The following PNPT1 variants were observed in gnomAD, a reference collection of about 807,000 sequenced individuals.
PNPT1 encodes the protein polyribonucleotide nucleotidyltransferase 1, mitochondrial.
In PNPT1, 53 loss-of-function variants were observed where a neutral mutation model predicts 119.5. The ratio of observed to expected loss-of-function variants is 0.44; its 90% CI spans 0.36 to 0.56. PNPT1 has a LOEUF of 0.56. Ranked by LOEUF, PNPT1 falls within the 20% of genes least tolerant of loss-of-function variation. The pLI, the probability that PNPT1 is intolerant of heterozygous loss-of-function variation, is 0.00. For missense variants in PNPT1, 948 were observed against 938.5 expected (o/e 1.01, Z -0.13); for synonymous variants, 357 against 322.1 (o/e 1.11, Z -1.16).
At chr2:55,669,079 A>G (rs1696826548) in intron 11 of PNPT1, among the ~76,000 whole-genome samples, 1 of 152,202 alleles carries the variant, frequency 6.6e-6, no homozygotes, top group Non-Finnish European at 1.5e-5. Context: ...TAACTTTCAT[A>G]ATAACTTATG....
intron 1 of PNPT1, among the ~76,000 whole-genome samples, chr2:55,688,661 G>T (rs1461758822): frequency 6.6e-6 from 1 of 152,014 alleles, no homozygotes; most frequent in Non-Finnish European, 1.5e-5. Context: ...GGAGGGGGAG[G>T]TTACAGTGAG....
intron 13 of PNPT1, among the ~76,000 whole-genome samples, chr2:55,664,636 G>C (rs950902689): frequency 2.6e-5 from 4 of 151,862 alleles, no homozygotes; most frequent in African/African-American, 9.7e-5. Context: ...AAAAACAGAA[G>C]GGCAAAAGAA....
intron 13 of PNPT1, among the ~76,000 whole-genome samples, chr2:55,663,930 C>T (rs997442204): frequency 3.3e-5 from 5 of 151,646 alleles, no homozygotes; most frequent in South Asian, 2.1e-4. Context: ...CGGAGCTTGC[C>T]GTGAGCCGAG....
chr2:55,693,562 T>C (rs1164016311), intron 1 of PNPT1, 101 bp downstream of exon 1: 3 of 1,504,448 alleles, frequency 2.0e-6, no homozygotes, highest in East Asian at 4.5e-5. Flanking sequence ...AGAGATTAAA[T>C]AGAGCTGGGA....
chr2:55,664,981 G>A (rs1696689976), intron 13 of PNPT1, among the ~76,000 whole-genome samples: 1 of 151,984 alleles, frequency 6.6e-6, no homozygotes, highest in South Asian at 2.1e-4. Flanking sequence ...TCAAATAAAG[G>A]AACAAATGTA....
chr2:55,683,677 TA>T, intron 5 of PNPT1, 107 bp downstream of exon 5: 1 of 954,112 alleles, frequency 1.0e-6, no homozygotes, highest in Non-Finnish European at 1.5e-6. Context: ...AACAGTATCA[TA>T]AAAAATTCTT....
chr2:55,666,925 A>G, intron 13 of PNPT1, 66 bp downstream of exon 13: 1 of 1,007,776 alleles, frequency 9.9e-7, no homozygotes, highest in South Asian at 1.7e-5. Flanking sequence ...CTACTAATGT[A>G]CTTCTATTAG....
At chr2:55,654,310 C>T (rs984443452) in intron 18 of PNPT1, among the ~76,000 whole-genome samples, 10 of 150,830 alleles carry the variant, frequency 6.6e-5, no homozygotes, top group African/African-American at 2.4e-4. Context: ...TTTGGCGTTT[C>T]AGACCTGGGG....
chr2:55,653,210 G>C (rs1394149146), intron 18 of PNPT1, among the ~76,000 whole-genome samples: 1 of 152,016 alleles, frequency 6.6e-6, no homozygotes, highest in South Asian at 2.1e-4. Flanking sequence ...TCTTGTTGAG[G>C]GTCACGATCA....
intron 12 of PNPT1, 87 bp from the exon 13 acceptor site, chr2:55,667,180 C>A: frequency 1.0e-6 from 1 of 958,386 alleles, no homozygotes; most frequent in African/African-American, 1.6e-5. Context: ...AGTTCTCAAC[C>A]TCAGTTGTGT....
chr2:55,663,548 G>A (rs1221588855), intron 13 of PNPT1, among the ~76,000 whole-genome samples: 1 of 152,164 alleles, frequency 6.6e-6, no homozygotes, highest in Non-Finnish European at 1.5e-5. Context: ...AAACTCAAAG[G>A]AAACCACACC....
chr2:55,691,646 G>A (rs1323924701), intron 1 of PNPT1, among the ~76,000 whole-genome samples: 1 of 151,998 alleles, frequency 6.6e-6, no homozygotes, highest in Non-Finnish European at 1.5e-5. Context: ...CTATCTCACA[G>A]TATGTGTCTG....
intron 26 of PNPT1, among the ~76,000 whole-genome samples, chr2:55,639,120 T>G (rs539788951): frequency 6.6e-6 from 1 of 152,168 alleles, no homozygotes; most frequent in South Asian, 2.1e-4. Context: ...TACCGTTAAG[T>G]TTCAAACTAT....
chr2:55,683,396 C>T (rs1411762822), intron 5 of PNPT1, among the ~76,000 whole-genome samples: 1 of 152,010 alleles, frequency 6.6e-6, no homozygotes, highest in Non-Finnish European at 1.5e-5. Flanking sequence ...GGGCGGATCA[C>T]AAGGTCAGGA....
intron 23 of PNPT1, 36 bp from the exon 24 acceptor site, chr2:55,643,461 T>C: frequency 6.3e-7 from 1 of 1,580,640 alleles, no homozygotes; most frequent in Non-Finnish European, 8.7e-7. Context: ...TAAAGTTAAC[T>C]TGGCTGGGCA....
At chr2:55,691,878 A>ATATTTTTTTTTTTTTT (rs1326804958) in intron 1 of PNPT1, among the ~76,000 whole-genome samples, 1 of 33,132 alleles carries the variant, frequency 3.0e-5, no homozygotes, top group Non-Finnish European at 5.9e-5. Context: ...ATATATATAT[A>ATATTTTTTTTTTTTTT]TTTTTTTTTT....
chr2:55,644,781 G>A (rs986789227), intron 22 of PNPT1, 61 bp from the exon 23 acceptor site: 112 of 1,194,836 alleles, frequency 9.4e-5, no homozygotes, highest in South Asian at 2.5e-4. Flanking sequence ...CCTAAAACAT[G>A]CCATGGTCAC....
rs558685068 is a variant in PNPT1, at chr2:55,636,183, C to T, written c.*54G>A. On this transcript the variant is annotated 3_prime_UTR_variant, in exon 28 of 28. Coordinates refer to ENST00000447944, the MANE Select transcript of PNPT1 (RefSeq NM_033109.5). ...AAGATACTACTAAAATGTTGCTCTA[C>T]AGCACATCACCCTAGACAAAATAGA... 4.3e-6 allele frequency: 6 copies of T among 1,407,194 alleles called. No individual in the cohort carries two copies. Among genetic ancestry groups the T allele is most frequent in the South Asian group, 1.3e-5 (1 of 78,122 alleles). The allele number at this position is 1,407,194 out of a possible 1,614,324, so 87.2% of individuals were successfully genotyped here.
chr2:55,685,556 A>C (rs1194873093), intron 3 of PNPT1, among the ~76,000 whole-genome samples: 1 of 152,206 alleles, frequency 6.6e-6, no homozygotes, highest in Non-Finnish European at 1.5e-5. Flanking sequence ...TCTTCTACTC[A>C]ACAGTAAAAG....
Sources: allele counts gnomAD v4.1 joint callset (sites outside exome capture counted in the v4.1 genomes callset), GRCh38; gene constraint gnomAD v4.1.1; transcripts MANE v1.5; gene names NCBI Gene and HGNC (gene_info 2026-07-23, HGNC 2026-07-21).